The following EYS variants were observed in gnomAD, a reference collection of about 807,000 sequenced individuals.
The protein encoded by EYS is EGF-like photoreceptor maintenance factor, also known as protein eyes shut homolog.
A neutral mutation model predicts 282.1 loss-of-function variants in EYS; 250 were observed. The ratio of observed to expected loss-of-function variants is 0.89; its 90% CI spans 0.80 to 0.98. EYS has a LOEUF of 0.98. Ranked by LOEUF, EYS falls within the 50% of genes least tolerant of loss-of-function variation. EYS has a pLI of 0.00. For missense variants in EYS, 4,016 were observed against 3,709.0 expected, an observed-to-expected ratio of 1.08 and a Z score of -2.15; for synonymous variants, 1,355 against 1,282.9, an observed-to-expected ratio of 1.06 and a Z score of -1.20.
chr6:65,442,140 A>G lies in EYS; in HGVS notation c.863-36773T>C, dbSNP rs1314675660. On this transcript the variant is annotated intron_variant, in intron 5 of 42. Coordinates refer to ENST00000503581, the MANE Select transcript of EYS (RefSeq NM_001142800.2). ...TTATTTGTGTTTTCTTCTTTAAAAA[A>G]TATGACTATAATTTTTCTAATAATT... Among the ~76,000 whole-genome samples, 4 of 152,058 alleles carry G rather than the reference A, an allele frequency of 2.6e-5. No individual in the cohort carries two copies. The South Asian group carries it at 6.2e-4, about 24-fold the overall frequency.
At chr6:64,411,258 C>A (rs563574481) in intron 28 of EYS, among the ~76,000 whole-genome samples, 1 of 152,012 alleles carries the variant, frequency 6.6e-6, no homozygotes, top group South Asian at 2.1e-4. Context: ...GATTACAATA[C>A]AGCATCATAT....
chr6:65,617,656 C>T (rs1001429400), intron 2 of EYS, among the ~76,000 whole-genome samples: 2 of 150,880 alleles, frequency 1.3e-5, no homozygotes, highest in Non-Finnish European at 3.0e-5. Context: ...CACCCACTAA[C>T]TCGTCATCTA....
intron 22 of EYS, among the ~76,000 whole-genome samples, chr6:64,751,131 C>A (rs923366600): frequency 1.3e-5 from 2 of 152,290 alleles, no homozygotes; most frequent in East Asian, 3.9e-4. Flanking sequence ...GCTTGAGTTG[C>A]CCCTCCCTTC....
chr6:65,356,003 T>C (rs1310084382), intron 8 of EYS, among the ~76,000 whole-genome samples: 18 of 152,138 alleles, frequency 1.2e-4, no homozygotes, highest in Non-Finnish European at 7.4e-5. Flanking sequence ...AAAGAAATCA[T>C]TATATAAAAG....
intron 36 of EYS, among the ~76,000 whole-genome samples, chr6:63,858,742 T>G (rs1457616942): frequency 2.0e-5 from 3 of 152,170 alleles, no homozygotes; most frequent in African/African-American, 7.2e-5. Flanking sequence ...TACTAAGATG[T>G]GTTGAACGGT....
intron 30 of EYS, among the ~76,000 whole-genome samples, chr6:64,272,251 AT>A (rs1330071334): frequency 6.6e-6 from 1 of 152,148 alleles, no homozygotes; most frequent in Non-Finnish European, 1.5e-5. Flanking sequence ...GTGTCTTTTA[AT>A]TGGGGCATTT....
At chr6:64,626,072 G>T in intron 23 of EYS, 49 bp downstream of exon 23, 1 of 1,117,926 alleles carries the variant, frequency 8.9e-7, no homozygotes, top group Non-Finnish European at 1.3e-6. Flanking sequence ...TTACATAAAC[G>T]TATATATTAT....
In EYS at chr6:64,518,215, T is replaced by C. The variant is rs145222719; in HGVS notation, c.5644+72008A>G. ...AACCTCTCTCTCATTCTCTATGCAG[T>C]CTAAGAAATAGACCCAATTGATTTT... On this transcript the variant is annotated intron_variant, in intron 26 of 42. Coordinates refer to ENST00000503581, the MANE Select transcript of EYS (RefSeq NM_001142800.2). 9.3e-4 allele frequency among the ~76,000 whole-genome samples: 142 copies of C among 151,898 alleles called. 3 individuals carry two copies. The East Asian group carries it at 0.026, about 27-fold the overall frequency.
At chr6:64,627,656 T>C (rs995962391) in intron 22 of EYS, among the ~76,000 whole-genome samples, 22 of 152,144 alleles carry the variant, frequency 1.4e-4, no homozygotes, top group African/African-American at 5.3e-4. Flanking sequence ...TTAAGTTCTG[T>C]TTTTCACTGC....
rs147528765 is a variant in EYS, at chr6:65,680,176, A to G, written c.-448+26959T>C. Among the ~76,000 whole-genome samples the G allele has an allele frequency of 1.1e-4, 17 of 151,480 alleles. No homozygotes were observed. In the East Asian group the frequency reaches 3.3e-3, roughly 30 times the overall value. On this transcript the variant is annotated intron_variant, in intron 1 of 42. Transcript: ENST00000503581. The stretch of plus-strand genomic sequence containing the variant: ...AAGTTAAATTCATTGTTTGACTTTG[A>G]CTCTAAGATGTGGGTCACGTATCTT...
intron 2 of EYS, among the ~76,000 whole-genome samples, chr6:65,540,601 T>C (rs1768128478): frequency 6.6e-6 from 1 of 152,102 alleles, no homozygotes; most frequent in Non-Finnish European, 1.5e-5. Flanking sequence ...TTTTATATAG[T>C]AGGAAGCAAT....
chr6:64,500,968 G>C (rs1777020228), intron 26 of EYS, among the ~76,000 whole-genome samples: 2 of 150,648 alleles, frequency 1.3e-5, no homozygotes, highest in South Asian at 4.2e-4. Context: ...ATTGGCATTG[G>C]CACAATTTCT....
At chr6:65,499,446 G>A (rs929177724) in intron 2 of EYS, among the ~76,000 whole-genome samples, 31 of 152,042 alleles carry the variant, frequency 2.0e-4, no homozygotes, top group Middle Eastern at 3.4e-3. Flanking sequence ...CCTTTAATAA[G>A]CTTGTAGTTG....
chr6:63,840,557 C>T (rs1717597518), intron 36 of EYS, among the ~76,000 whole-genome samples: 1 of 151,928 alleles, frequency 6.6e-6, no homozygotes. Flanking sequence ...TCCTATTTGT[C>T]TATTTTTGCT....
chr6:64,025,166 C>T (rs955704344), intron 33 of EYS, among the ~76,000 whole-genome samples: 1 of 152,132 alleles, frequency 6.6e-6, no homozygotes, highest in Admixed American at 6.5e-5. Context: ...AGTGCGGCTG[C>T]CGGACTAAAG....
At chr6:65,594,187 C>T (rs760056944) in intron 2 of EYS, among the ~76,000 whole-genome samples, 26 of 152,040 alleles carry the variant, frequency 1.7e-4, no homozygotes, top group Non-Finnish European at 3.5e-4. Context: ...AGGCATAATG[C>T]TAAGAACTTT....
At chr6:64,293,088 G>A (rs1221738065) in intron 30 of EYS, among the ~76,000 whole-genome samples, 2 of 151,940 alleles carry the variant, frequency 1.3e-5, no homozygotes, top group Non-Finnish European at 2.9e-5. Context: ...CAAAAACTAT[G>A]CATTTAATCT....
chr6:64,253,432 T>C (rs936505425), intron 30 of EYS, among the ~76,000 whole-genome samples: 7 of 152,192 alleles, frequency 4.6e-5, no homozygotes, highest in African/African-American at 1.7e-4. Context: ...ATTGGCATCA[T>C]AGTTTACACA....
rs1770246370 is a variant in EYS at position 64,322,382 on chromosome 6, TTC to T, written c.6079-15302_6079-15301del. 2.0e-5 allele frequency among the ~76,000 whole-genome samples: 3 copies of T among 152,058 alleles called. No homozygotes were observed. The South Asian group carries it at 6.2e-4, about 31-fold the overall frequency. On this transcript the variant is annotated intron_variant, in intron 29 of 42. Transcript: ENST00000503581. Reference sequence around the variant, plus strand: ...AGTTTAAGGAAATAGACTGATAGATTTCTGTTTCTGATAACAGCACAGTAACT... The same window carrying T: ...AGTTTAAGGAAATAGACTGATAGATTTGTTTCTGATAACAGCACAGTAACT...
Sources: gnomAD v4.1 joint callset for allele counts (sites outside exome capture counted in the v4.1 genomes callset) on GRCh38, gnomAD v4.1.1 for gene constraint, MANE v1.5 for transcripts, NCBI Gene and HGNC (gene_info 2026-07-23, HGNC 2026-07-21) for gene names.